The following CELF2 variants were observed in gnomAD, a reference collection of about 807,000 sequenced individuals.
CELF2 encodes CUG triplet repeat RNA-binding protein 2.
A neutral mutation model predicts 62.6 loss-of-function variants in CELF2; 8 were observed. The ratio of observed to expected loss-of-function variants is 0.13; its 90% CI spans 0.07 to 0.23. CELF2 has a LOEUF of 0.23. CELF2 is among the 10% of genes least tolerant of loss of function. The pLI is 1.00. For synonymous variants in CELF2, 258 were observed against 250.0 expected, an observed-to-expected ratio of 1.03 and a Z score of -0.30; for missense variants, 333 against 671.0, an observed-to-expected ratio of 0.50 and a Z score of 5.56.
rs570825142 is a variant in CELF2, at chr10:11,111,451, T to A, written c.75-54035T>A. ...TAGTTTTTCTTTGATCTGCATTCAA[T>A]AAAATGTGTCTCATAGACTGAGAAA... On this transcript the variant is annotated intron_variant, in intron 1 of 12. Coordinates refer to ENST00000633077, the MANE Select transcript of CELF2 (RefSeq NM_001326342.2). Among the ~76,000 whole-genome samples the A allele has an allele frequency of 6.6e-5, 10 of 152,336 alleles. No homozygotes were observed. In the South Asian group the frequency reaches 2.1e-3, roughly 32 times the overall value.
chr10:11,027,223 C>A (rs1303235957), intron 1 of CELF2, among the ~76,000 whole-genome samples: 1 of 152,188 alleles, frequency 6.6e-6, no homozygotes, highest in Non-Finnish European at 1.5e-5. Flanking sequence ...TTAAGCCATC[C>A]TTACATTGCC....
chr10:11,309,060 ATTG>A lies in CELF2; in HGVS notation c.977-5076_977-5074del, dbSNP rs1389698638. Among the ~76,000 whole-genome samples, 1 of 152,098 alleles carries A rather than the reference ATTG, an allele frequency of 6.6e-6. No homozygotes were observed. The highest frequency in any genetic ancestry group is 2.4e-5 in the African/African-American group (1 of 41,382). ...TAATCCTTTAGGCATGATTTTTTAG[ATTG>A]TTATCATATTTATAATAGCTGCTTT... On this transcript the variant is annotated intron_variant, in intron 9 of 12. Transcript: ENST00000633077. This position sits in a 1 kb window ranked among gnomAD's most constrained non-coding sequence, Gnocchi z 5.6.
At chr10:10,887,769 CTT>C (rs2061855228) in intron 1 of CELF2, among the ~76,000 whole-genome samples, 1 of 150,464 alleles carries the variant, frequency 6.6e-6, no homozygotes, top group Admixed American at 6.6e-5. Flanking sequence ...TCTGTGTAGA[CTT>C]TTATTTTTTT....
At chr10:10,569,381 A>G in the CELF2 span, among the ~76,000 whole-genome samples, 10 of 152,260 alleles carry the variant, frequency 6.6e-5, no homozygotes, top group African/African-American at 2.4e-4. Context: ...AGATCTCATG[A>G]GACTTACTCA....
chr10:11,005,260 GAGAGAGAGA>G (rs2137110127), upstream of CELF2: 1 of 1,029,886 alleles, frequency 9.7e-7, no homozygotes, highest in East Asian at 3.1e-5. This position sits in a 1 kb window ranked among gnomAD's most constrained non-coding sequence, Gnocchi z 4.3. Flanking sequence ...GAGAGGGAGA[GAGAGAGAGA>G]GAGAGAGAGA....
intron 1 of CELF2, among the ~76,000 whole-genome samples, chr10:11,153,676 A>G (rs570238550): frequency 6.6e-6 from 1 of 152,250 alleles, no homozygotes; most frequent in Non-Finnish European, 1.5e-5. Context: ...TAAAGGCATT[A>G]TGAATATTGG....
At chr10:10,842,484 G>T (rs749955421) in intron 1 of CELF2, among the ~76,000 whole-genome samples, 19 of 151,646 alleles carry the variant, frequency 1.3e-4, no homozygotes, top group Non-Finnish European at 1.5e-5. Flanking sequence ...CTTTTTGAGA[G>T]TTTTTTTTCT....
intron 1 of CELF2, among the ~76,000 whole-genome samples, chr10:11,138,116 T>C (rs1332070600): frequency 6.6e-6 from 1 of 151,312 alleles, no homozygotes; most frequent in Non-Finnish European, 1.5e-5. Flanking sequence ...TTCTAGCACA[T>C]TAAAATAAAC....
At chr10:10,473,331 C>G in the CELF2 span, among the ~76,000 whole-genome samples, 1 of 151,920 alleles carries the variant, frequency 6.6e-6, no homozygotes, top group African/African-American at 2.4e-5. Flanking sequence ...CCACCAATAT[C>G]TAGGAAAAGG....
rs751294574 is a variant in CELF2 at position 11,177,112 on chromosome 10, C to T, written c.271+11430C>T. Among the ~76,000 whole-genome samples the T allele has an allele frequency of 9.2e-5, 14 of 152,042 alleles. No individual in the cohort carries two copies. Among genetic ancestry groups the T allele is most frequent in the Non-Finnish European group, 1.6e-4 (11 of 68,004 alleles). Reference sequence around the variant, plus strand: ...TTGTTAAGGTGGTTATTAGAAGACTCGCAACTTAGAAAAGGAAGTAAACAT... The same window carrying T: ...TTGTTAAGGTGGTTATTAGAAGACTTGCAACTTAGAAAAGGAAGTAAACAT... On this transcript the variant is annotated intron_variant, in intron 2 of 12. Coordinates refer to ENST00000633077, the MANE Select transcript of CELF2 (RefSeq NM_001326342.2). The surrounding 1 kb of genome is among the most constrained non-coding windows in gnomAD (Gnocchi z 4.8).
the CELF2 span, chr10:10,784,484 G>C: frequency 3.3e-5 from 5 of 152,414 alleles, no homozygotes; most frequent in Admixed American, 6.5e-5. Context: ...CTGGCTCTTG[G>C]TGAGATGGAT....
At chr10:10,698,551 C>A in the CELF2 span, among the ~76,000 whole-genome samples, 3 of 152,206 alleles carry the variant, frequency 2.0e-5, no homozygotes, top group African/African-American at 7.2e-5. Flanking sequence ...TCCATCCAAA[C>A]CACGGATCAC....
At chr10:10,788,740 G>C in the CELF2 span, among the ~76,000 whole-genome samples, 5 of 152,240 alleles carry the variant, frequency 3.3e-5, no homozygotes, top group South Asian at 6.2e-4. Flanking sequence ...TAGGATTACA[G>C]GCATGAGCCA....
intron 1 of CELF2, among the ~76,000 whole-genome samples, chr10:10,887,582 C>T (rs899266409): frequency 3.3e-5 from 5 of 152,062 alleles, no homozygotes; most frequent in Non-Finnish European, 5.9e-5. Context: ...ATTATCTGTT[C>T]GGCTGTTGGT....
In CELF2 at chr10:11,243,369, A is replaced by G. The variant is rs2137011364; in HGVS notation, c.355-5784A>G. On this transcript the variant is annotated intron_variant, in intron 3 of 12. Transcript: ENST00000633077. This position sits in a 1 kb window ranked among gnomAD's most constrained non-coding sequence, Gnocchi z 4.1. ...AGGCAAAATGTTATTCAAAAAAAAA[A>G]AAAAAAAGCTTCTAAAAATTCATGT... Among the ~76,000 whole-genome samples, 1 of 152,304 alleles carries G rather than the reference A, an allele frequency of 6.6e-6. No homozygotes were observed. Among genetic ancestry groups the G allele is most frequent in the African/African-American group, 2.4e-5 (1 of 41,568 alleles).
At chr10:10,725,412 G>A in the CELF2 span, among the ~76,000 whole-genome samples, 1 of 152,218 alleles carries the variant, frequency 6.6e-6, no homozygotes, top group Non-Finnish European at 1.5e-5. Flanking sequence ...GTACGGGATT[G>A]TGACGGGTGA....
At chr10:10,469,043 A>G in the CELF2 span, among the ~76,000 whole-genome samples, 2 of 151,952 alleles carry the variant, frequency 1.3e-5, no homozygotes, top group African/African-American at 4.8e-5. Context: ...ATGTTTTCAT[A>G]ATATGCATTT....
chr10:10,495,278 CA>C, the CELF2 span, among the ~76,000 whole-genome samples: 3 of 151,848 alleles, frequency 2.0e-5, no homozygotes, highest in African/African-American at 4.8e-5. Context: ...GACTCTATCT[CA>C]AAAAAAATTT....
chr10:10,562,591 C>G, the CELF2 span, among the ~76,000 whole-genome samples: 1 of 152,154 alleles, frequency 6.6e-6, no homozygotes, highest in African/African-American at 2.4e-5. Context: ...TCCTTTCTAG[C>G]GACCTCACCG....
Sources: gnomAD v4.1 joint callset for allele counts (sites outside exome capture counted in the v4.1 genomes callset) on GRCh38, gnomAD v4.1.1 for gene constraint, Gnocchi (gnomAD v3.1) non-coding constraint, MANE v1.5 for transcripts, NCBI Gene and HGNC (gene_info 2026-07-23, HGNC 2026-07-21) for gene names.